RBM27: variants seen among roughly 807,000 people sequenced by gnomAD.
RBM27 encodes RNA binding motif protein 27, also known as RNA-binding protein 27.
A neutral mutation model predicts 135.3 loss-of-function variants in RBM27; 22 were observed. That is an observed-to-expected ratio of 0.16 (90% CI 0.12 to 0.23). RBM27 has a LOEUF of 0.23. Ranked by LOEUF, RBM27 falls within the 10% of genes least tolerant of loss-of-function variation. The pLI, the probability that RBM27 is intolerant of heterozygous loss-of-function variation, is 1.00. For missense variants in RBM27, 1,009 were observed against 1,281.0 expected (o/e 0.79, Z 3.24); for synonymous variants, 481 against 442.4 (o/e 1.09, Z -1.10).
At chr5:146,259,668 A>G (rs560876267) in intron 11 of RBM27, among the ~76,000 whole-genome samples, 1 of 151,706 alleles carries the variant, frequency 6.6e-6, no homozygotes, top group South Asian at 2.1e-4. Flanking sequence ...CACCTTTTCT[A>G]TTCTCATGTA....
intron 19 of RBM27, among the ~76,000 whole-genome samples, 176 bp from the exon 20 acceptor site, chr5:146,284,446 A>G (rs1273187754): frequency 1.3e-5 from 2 of 152,196 alleles, no homozygotes. Flanking sequence ...ACCAGAACAT[A>G]TAGTTGCTCT....
intron 8 of RBM27, among the ~76,000 whole-genome samples, chr5:146,239,364 T>C (rs1443387618): frequency 6.6e-6 from 1 of 151,806 alleles, no homozygotes; most frequent in East Asian, 1.9e-4. Flanking sequence ...TCCTGAGAAA[T>C]CCAACCATGA....
intron 8 of RBM27, among the ~76,000 whole-genome samples, chr5:146,242,714 T>C (rs888511267): frequency 1.3e-5 from 2 of 152,078 alleles, no homozygotes. Flanking sequence ...CTGCCGGAGC[T>C]TCCCCAGTAG....
At position 146,251,754 on chromosome 5, in the gene RBM27, G is replaced by A. The variant is rs1291064963; in HGVS notation, c.1323G>A (p.Glu441=). 6.2e-7 allele frequency: 1 copy of A among 1,613,262 alleles called. No homozygotes were observed. The highest frequency in any genetic ancestry group is 1.7e-5 in the Admixed American group (1 of 60,016). ...YSREHGAAAS[E]RLQLGTPPPL... is the part of the protein sequence containing the mutation. ...GTGAACATGGTGCTGCTGCATCTGA[G>A]CGACTTCAGTTGGGGACACCGCCTC... Residue 441 remains glutamate, a synonymous_variant, in exon 9 of 21, where the codon GAG becomes GAA. Transcript: ENST00000265271.
chr5:146,240,294 A>ATCTGTCTG (rs59670617), intron 8 of RBM27, among the ~76,000 whole-genome samples: 115 of 148,222 alleles, frequency 7.8e-4, no homozygotes, highest in African/African-American at 1.9e-3. Flanking sequence ...GCTGTTTTCT[A>ATCTGTCTG]TCTGTCTGTC....
chr5:146,244,237 G>T (rs1757524286), intron 8 of RBM27, among the ~76,000 whole-genome samples: 1 of 152,094 alleles, frequency 6.6e-6, no homozygotes, highest in South Asian at 2.1e-4. Flanking sequence ...GTTTACCCCT[G>T]TAATCCCAGC....
In RBM27 at chr5:146,203,664, C is replaced by G. The variant is rs1288139620; in HGVS notation, c.-102C>G. The G allele has an allele frequency of 2.4e-5, 27 of 1,105,998 alleles. No homozygotes were observed. Among genetic ancestry groups the G allele is most frequent in the Non-Finnish European group, 2.5e-5 (19 of 750,230 alleles). 68.5% of individuals were successfully genotyped at this position (1,105,998 alleles called of 1,614,324 possible). A position where few individuals can be genotyped will look rare whatever the true frequency, so the allele number is the denominator to read the frequency against. ...GAAGTCTCCTAAGATGCCCGGTGGG[C>G]TGGGGCACCGGGAGCTGTGAAGGGA... On this transcript the variant is annotated 5_prime_UTR_variant, in exon 1 of 21. Transcript: ENST00000265271.
intron 8 of RBM27, among the ~76,000 whole-genome samples, chr5:146,250,601 T>C (rs900454605): frequency 3.3e-5 from 5 of 152,060 alleles, no homozygotes; most frequent in Admixed American, 1.3e-4. Flanking sequence ...TGATACCTTA[T>C]CTTTTTCTAA....
chr5:146,270,797 T>C (rs1395789665), intron 17 of RBM27, among the ~76,000 whole-genome samples, 157 bp from the exon 18 acceptor site: 1 of 152,236 alleles, frequency 6.6e-6, no homozygotes, highest in East Asian at 1.9e-4. Context: ...GGCACTACTA[T>C]ATCTGTAAAG....
chr5:146,252,932 C>T (rs981837499), intron 9 of RBM27, among the ~76,000 whole-genome samples: 3 of 152,230 alleles, frequency 2.0e-5, no homozygotes, highest in South Asian at 4.1e-4. Context: ...TACTCTTTGG[C>T]GGATAACTAT....
At chr5:146,218,954 T>A (rs2126709133) in intron 1 of RBM27, 31 bp from the exon 2 acceptor site, 1 of 1,455,418 alleles carries the variant, frequency 6.9e-7, no homozygotes, top group Non-Finnish European at 9.4e-7. Flanking sequence ...AAGTGTTTTT[T>A]AAAATTTTTG....
At chr5:146,243,178 A>C (rs1025944165) in intron 8 of RBM27, among the ~76,000 whole-genome samples, 5 of 152,142 alleles carry the variant, frequency 3.3e-5, no homozygotes, top group African/African-American at 1.2e-4. Flanking sequence ...AGGCCAGAGA[A>C]TCACTTGAGC....
intron 19 of RBM27, 76 bp downstream of exon 19, chr5:146,271,750 T>C (rs1349485717): frequency 1.5e-6 from 2 of 1,291,980 alleles, no homozygotes; most frequent in East Asian, 2.4e-5. Flanking sequence ...TGTCTATAAA[T>C]GTCAGATGTT....
intron 7 of RBM27, among the ~76,000 whole-genome samples, chr5:146,236,107 G>A (rs1021595926): frequency 1.3e-5 from 2 of 152,140 alleles, no homozygotes; most frequent in Non-Finnish European, 2.9e-5. Flanking sequence ...AATAAAGAAC[G>A]TTATCTCAGC....
intron 15 of RBM27, among the ~76,000 whole-genome samples, chr5:146,268,345 C>T (rs188007814): frequency 1.2e-4 from 18 of 151,482 alleles, no homozygotes; most frequent in African/African-American, 4.1e-4. Flanking sequence ...TGGGTTCAAG[C>T]GATTCTCCTG....
intron 7 of RBM27, among the ~76,000 whole-genome samples, chr5:146,235,432 T>C (rs1284639890): frequency 6.6e-6 from 1 of 151,938 alleles, no homozygotes; most frequent in African/African-American, 2.4e-5. Context: ...GGGGGGTGCA[T>C]GTAGTCCCTA....
rs1266513691 is a variant in RBM27 at position 146,269,226 on chromosome 5, A to G, written c.2471A>G (p.Gln824Arg). 6.2e-7 allele frequency: 1 copy of G among 1,607,724 alleles called. No individual in the cohort carries two copies. Among genetic ancestry groups the G allele is most frequent in the South Asian group, 1.1e-5 (1 of 90,298 alleles). Residue 824 changes from glutamine to arginine, a missense_variant, in exon 16 of 21, where the codon CAA becomes CGA. This residue lies in a region of RBM27 where 355 missense variants were observed against 427.3 expected (regional missense o/e 0.83). Transcript: ENST00000265271. ...KKKQEAMKLQ[Q>R]DMRKKRQEVL... is the part of the protein sequence containing the mutation. ...ATACAGGAAGCAATGAAGTTACAAC[A>G]AGATATGAGGAAAAAAAGACAGGAA...
chr5:146,210,116 A>G (rs904812828), intron 1 of RBM27, among the ~76,000 whole-genome samples: 1 of 152,150 alleles, frequency 6.6e-6, no homozygotes, highest in African/African-American at 2.4e-5. Flanking sequence ...CCTCTTGGCC[A>G]TGGGCGTGCA....
chr5:146,230,070 G>A (rs1289281590), intron 5 of RBM27, among the ~76,000 whole-genome samples, 160 bp downstream of exon 5: 1 of 152,098 alleles, frequency 6.6e-6, no homozygotes, highest in African/African-American at 2.4e-5. Context: ...TTAGAAAACA[G>A]GGCTCTATTC....
Sources: allele counts gnomAD v4.1 joint callset (sites outside exome capture counted in the v4.1 genomes callset), GRCh38; gene constraint gnomAD v4.1.1; regional missense constraint gnomAD v4.1.1; transcripts MANE v1.5; gene names NCBI Gene and HGNC (gene_info 2026-07-23, HGNC 2026-07-21).